SEMA6A: variants seen among roughly 807,000 people sequenced by gnomAD.
SEMA6A encodes the protein semaphorin 6A.
A neutral mutation model predicts 96.8 loss-of-function variants in SEMA6A; 25 were observed. The observed-to-expected ratio is 0.26, with a 90% confidence interval of 0.19 to 0.36. The LOEUF is 0.36. Among genes scored for constraint, SEMA6A ranks in the 10% least tolerant of loss-of-function variants. The probability of loss-of-function intolerance (pLI) is 1.00; values close to 1 mark genes in which losing one functional copy is unlikely to be tolerated. For missense variants in SEMA6A, 1,363 were observed against 1,323.1 expected, an observed-to-expected ratio of 1.03 and a Z score of -0.47; for synonymous variants, 612 against 518.0, an observed-to-expected ratio of 1.18 and a Z score of -2.46.
chr5:116,496,281 T>G lies in SEMA6A; in HGVS notation c.312A>C (p.Val104=), dbSNP rs1471165901. ...GTTTTCCCTTCATTCTGCATGTGTC[T>G]ACATCGGCCTGTCTAGATTTCCATG... The part of the protein sequence containing the change: ...KLTWKSRQAD[V]DTCRMKGKHK... The change falls in exon 5 of 19, where the codon GTA becomes GTC. Residue 104 remains valine (V), a synonymous_variant. Transcript: ENST00000343348. The G allele has an allele frequency of 3.7e-6, 6 of 1,613,770 alleles. No homozygotes were observed. Among genetic ancestry groups the G allele is most frequent in the Non-Finnish European group, 5.1e-6 (6 of 1,179,752 alleles).
chr5:116,549,916 A>G (rs1209631524), intron 1 of SEMA6A, among the ~76,000 whole-genome samples: 1 of 152,168 alleles, frequency 6.6e-6, no homozygotes, highest in African/African-American at 2.4e-5. Flanking sequence ...CACACATTCC[A>G]TTCAATTAGC....
At chr5:116,544,287 T>TTG (rs1303140125) in intron 1 of SEMA6A, among the ~76,000 whole-genome samples, 2 of 150,100 alleles carry the variant, frequency 1.3e-5, no homozygotes, top group Non-Finnish European at 2.9e-5. Flanking sequence ...TTGAGGTTTT[T>TTG]TGTTTGTTTG....
rs548814059 is a variant in SEMA6A at position 116,496,313 on chromosome 5, T to C, written c.280A>G (p.Lys94Glu). The change falls in exon 5 of 19, where the codon AAA becomes GAA. Residue 94 changes from lysine (K) to glutamate (E), a missense_variant and splice_region_variant. Transcript: ENST00000343348. ...SHTEEIYCSK[K>E]LTWKSRQADV... ...GCCTGTCTAGATTTCCATGTCAGTTTCTGCAGGGATCAAGAAAGAAATCAA... is the reference window on the plus strand; with the variant it reads ...GCCTGTCTAGATTTCCATGTCAGTTCCTGCAGGGATCAAGAAAGAAATCAA... 1.9e-6 allele frequency: 3 copies of C among 1,613,548 alleles called. No individual in the cohort carries two copies. The Admixed American group carries it at 5.0e-5, about 27-fold the overall frequency.
At chr5:116,491,487 C>G (rs964875770) in intron 7 of SEMA6A, among the ~76,000 whole-genome samples, 1 of 151,970 alleles carries the variant, frequency 6.6e-6, no homozygotes. Context: ...CAAACATTCC[C>G]TAACTGATCC....
intron 18 of SEMA6A, among the ~76,000 whole-genome samples, chr5:116,466,629 T>C (rs1755775027): frequency 6.6e-6 from 1 of 152,152 alleles, no homozygotes; most frequent in Non-Finnish European, 1.5e-5. Context: ...GAGATATGTA[T>C]GCAGAACACT....
At chr5:116,561,835 G>A (rs1760828720) in intron 1 of SEMA6A, among the ~76,000 whole-genome samples, 1 of 152,094 alleles carries the variant, frequency 6.6e-6, no homozygotes, top group African/African-American at 2.4e-5. Context: ...AGATATCCCT[G>A]GAGAATTAAT....
At chr5:116,570,218 C>T (rs1319721663) in intron 1 of SEMA6A, among the ~76,000 whole-genome samples, 1 of 152,188 alleles carries the variant, frequency 6.6e-6, no homozygotes, top group Non-Finnish European at 1.5e-5. Flanking sequence ...AAGAGGCAAC[C>T]ATGTGGTCGC....
chr5:116,458,325 C>G (rs1755146902), intron 18 of SEMA6A, among the ~76,000 whole-genome samples: 1 of 152,112 alleles, frequency 6.6e-6, no homozygotes, highest in Admixed American at 6.5e-5. Context: ...AACCTAGTCC[C>G]CGTAGTCCTT....
chr5:116,467,989 T>A (rs1755879737), intron 17 of SEMA6A: 1 of 490,464 alleles, frequency 2.0e-6, no homozygotes, highest in South Asian at 2.8e-5. Context: ...CTCTCATACT[T>A]GCTGGGTGGG....
intron 2 of SEMA6A, 33 bp downstream of exon 2, chr5:116,504,812 A>C (rs1580448595): frequency 1.3e-6 from 2 of 1,486,174 alleles, no homozygotes; most frequent in East Asian, 4.7e-5. Flanking sequence ...ATGTTCTCAA[A>C]GGGAGACACT....
intron 1 of SEMA6A, among the ~76,000 whole-genome samples, chr5:116,516,304 G>A (rs980945220): frequency 2.0e-5 from 3 of 152,188 alleles, no homozygotes; most frequent in African/African-American, 4.8e-5. Context: ...ATCTGTGTAT[G>A]TCCAGACACA....
intron 1 of SEMA6A, among the ~76,000 whole-genome samples, chr5:116,536,685 C>G (rs1046654298): frequency 3.9e-5 from 6 of 152,118 alleles, no homozygotes. Flanking sequence ...CCCCGATCTT[C>G]CACAGAGGAC....
In SEMA6A at chr5:116,462,366, A is replaced by C. The variant is rs1755464364; in HGVS notation, c.1894+5217T>G. ...GCCAGGCCGGGCAACACTGTGTAGC[A>C]CAAGAGTCCTTCTGGATATCAGCAA... On this transcript the variant is annotated intron_variant, in intron 18 of 18. Transcript: ENST00000343348. Among the ~76,000 whole-genome samples the C allele has an allele frequency of 2.0e-5, 3 of 152,196 alleles. No individual in the cohort carries two copies. The South Asian group carries it at 6.2e-4, about 32-fold the overall frequency.
intron 1 of SEMA6A, among the ~76,000 whole-genome samples, chr5:116,527,104 G>A (rs1055132629): frequency 2.6e-5 from 4 of 152,178 alleles, no homozygotes; most frequent in East Asian, 1.9e-4. Flanking sequence ...AGCTGGCCCC[G>A]AATCTCCTGG....
intron 1 of SEMA6A, among the ~76,000 whole-genome samples, chr5:116,511,658 TC>T (rs748032502): frequency 2.0e-5 from 3 of 152,226 alleles, no homozygotes; most frequent in Non-Finnish European, 4.4e-5. Flanking sequence ...ACACAGTTGC[TC>T]CCAAACATGT....
intron 18 of SEMA6A, among the ~76,000 whole-genome samples, chr5:116,465,665 T>A (rs1361310193): frequency 2.6e-5 from 4 of 152,184 alleles, no homozygotes; most frequent in Non-Finnish European, 5.9e-5. Flanking sequence ...TGTCAAAGTG[T>A]TAAATGGACT....
chr5:116,532,340 G>T (rs1759522304), intron 1 of SEMA6A, among the ~76,000 whole-genome samples: 1 of 152,196 alleles, frequency 6.6e-6, no homozygotes, highest in African/African-American at 2.4e-5. Context: ...CCAACAAAGG[G>T]AATATGAATG....
At chr5:116,543,778 C>T (rs1392371302) in intron 1 of SEMA6A, among the ~76,000 whole-genome samples, 2 of 152,176 alleles carry the variant, frequency 1.3e-5, no homozygotes, top group East Asian at 3.9e-4. Flanking sequence ...ATAAGGCAAG[C>T]AGATGTGTTT....
At chr5:116,492,201 C>T in intron 6 of SEMA6A, 1 of 226,386 alleles carries the variant, frequency 4.4e-6, no homozygotes, top group Non-Finnish European at 8.7e-6. Flanking sequence ...CACAGTGATG[C>T]AACGGAAATG....
Sources: allele counts gnomAD v4.1 joint callset (sites outside exome capture counted in the v4.1 genomes callset), GRCh38; gene constraint gnomAD v4.1.1; transcripts MANE v1.5; gene names NCBI Gene and HGNC (gene_info 2026-07-23, HGNC 2026-07-21).